Variants in RELN observed in about 807,000 individuals in gnomAD.
RELN encodes reelin.
In RELN, 108 loss-of-function variants were observed where a neutral mutation model predicts 427.6. The observed-to-expected ratio is 0.25, with a 90% CI of 0.22 to 0.30. The LOEUF is 0.30. RELN is among the 10% of genes least tolerant of loss of function. The probability of loss-of-function intolerance (pLI) is 1.00; values close to 1 mark genes in which losing one functional copy is unlikely to be tolerated. For synonymous variants in RELN, 1,524 were observed against 1,513.4 expected, an observed-to-expected ratio of 1.01 and a Z score of -0.16; for missense variants, 3,715 against 4,302.8, an observed-to-expected ratio of 0.86 and a Z score of 3.82.
chr7:103,953,109 G>C lies in RELN; in HGVS notation c.227-35924C>G, dbSNP rs1317035090. Among the ~76,000 whole-genome samples the C allele has an allele frequency of 6.6e-6, 1 of 152,052 alleles. No homozygotes were observed. Among genetic ancestry groups the C allele is most frequent in the Non-Finnish European group, 1.5e-5 (1 of 68,012 alleles). ...TTCCTCATCCCACGCGCTGATTCAA[G>C]CTCCAAGATTCCTGCTCACTTCAAA... On this transcript the variant is annotated intron_variant, in intron 1 of 64. Transcript: ENST00000428762. The surrounding 1 kb of genome is among the most constrained non-coding windows in gnomAD (Gnocchi z 4.3).
At chr7:103,662,559 T>C (rs1162869278) in intron 11 of RELN, among the ~76,000 whole-genome samples, 1 of 149,688 alleles carries the variant, frequency 6.7e-6, no homozygotes, top group African/African-American at 2.5e-5. Context: ...GAGGCAAAGG[T>C]TGCAGTGAGC....
At chr7:103,772,213 T>C (rs1302482763) in intron 4 of RELN, among the ~76,000 whole-genome samples, 2 of 152,212 alleles carry the variant, frequency 1.3e-5, no homozygotes, top group African/African-American at 4.8e-5. Context: ...AGAGATTCCA[T>C]AGTAAAAAGC....
intron 1 of RELN, among the ~76,000 whole-genome samples, chr7:103,928,667 T>C (rs1308546943): frequency 6.6e-6 from 1 of 152,220 alleles, no homozygotes; most frequent in Non-Finnish European, 1.5e-5. Flanking sequence ...TACTGCAGTT[T>C]CCTCCTAGTG....
intron 28 of RELN, among the ~76,000 whole-genome samples, chr7:103,582,651 C>T (rs1487832546): frequency 1.3e-5 from 2 of 152,026 alleles, no homozygotes; most frequent in Non-Finnish European, 2.9e-5. Flanking sequence ...TTGAGGTATG[C>T]ACATCTAAGT....
intron 2 of RELN, among the ~76,000 whole-genome samples, chr7:103,838,203 C>T (rs1444518924): frequency 8.6e-5 from 5 of 57,824 alleles, no homozygotes; most frequent in East Asian, 5.5e-4. Context: ...AGCGAGACTT[C>T]GTCTCAAAAA....
At position 103,557,008 on chromosome 7, in the gene RELN, T is replaced by C; in HGVS notation, c.5766A>G (p.Thr1922=). ...PLPYTAQTNA[T]RFRLWQPYNN... is the part of the protein sequence containing the mutation. ...TATAAGGTTGCCAGAGTCTGAATCT[T>C]GTAGCATTGGTTTGGGCAGTGTATG... Residue 1922 remains threonine, a synonymous_variant, in exon 38 of 65, where the codon ACA becomes ACG. Coordinates refer to ENST00000428762, the MANE Select transcript of RELN (RefSeq NM_005045.4). 1 of 1,613,818 alleles carries C rather than the reference T, an allele frequency of 6.2e-7. No individual in the cohort carries two copies. The highest frequency in any genetic ancestry group is 8.5e-7 in the Non-Finnish European group (1 of 1,179,676).
At chr7:103,601,649 T>C (rs1831671236) in intron 24 of RELN, among the ~76,000 whole-genome samples, 1 of 152,182 alleles carries the variant, frequency 6.6e-6, no homozygotes, top group Non-Finnish European at 1.5e-5. Flanking sequence ...TTAGACACAT[T>C]GCTCAGGTTG....
rs1833566964 is a variant in RELN, at chr7:103,677,702, G to A, written c.1289+4414C>T. Among the ~76,000 whole-genome samples, 2 of 140,252 alleles carry A rather than the reference G, an allele frequency of 1.4e-5. 1 individual carries two copies. Among genetic ancestry groups the A allele is most frequent in the Non-Finnish European group, 3.0e-5 (2 of 65,926 alleles). 92.0% of individuals were successfully genotyped at this position (140,252 alleles called of 152,430 possible). On this transcript the variant is annotated intron_variant, in intron 11 of 64. Transcript: ENST00000428762. Reference sequence around the variant, plus strand: ...AATCACTGAAACCCAGGAGGCGGAGGTTGCAGTAAGCTGATATAGCACCAC... The same window carrying A: ...AATCACTGAAACCCAGGAGGCGGAGATTGCAGTAAGCTGATATAGCACCAC...
At chr7:103,476,506 A>AC (rs1828038671) in intron 64 of RELN, among the ~76,000 whole-genome samples, 1 of 152,120 alleles carries the variant, frequency 6.6e-6, no homozygotes, top group Non-Finnish European at 1.5e-5. Flanking sequence ...AAACAAACAA[A>AC]AAAACCACAC....
intron 19 of RELN, 68 bp from the exon 20 acceptor site, chr7:103,630,244 G>T: frequency 2.7e-5 from 28 of 1,051,932 alleles, no homozygotes; most frequent in Non-Finnish European, 2.9e-5. Context: ...TTTATAGTGG[G>T]ATAGATTTCC....
At chr7:103,484,091 G>C (rs927802214) in intron 61 of RELN, 2 of 488,340 alleles carry the variant, frequency 4.1e-6, no homozygotes, top group Non-Finnish European at 7.4e-6. Flanking sequence ...TGTTGTCCAG[G>C]CTGGTCTCGA....
chr7:103,601,378 C>A (rs1425321588), intron 24 of RELN, among the ~76,000 whole-genome samples: 1 of 152,104 alleles, frequency 6.6e-6, no homozygotes, highest in Non-Finnish European at 1.5e-5. Context: ...TTCTATAATC[C>A]TCTATCTTGT....
chr7:103,863,224 T>C (rs1238445821), intron 2 of RELN, among the ~76,000 whole-genome samples: 4 of 152,158 alleles, frequency 2.6e-5, no homozygotes, highest in Non-Finnish European at 4.4e-5. Context: ...AAAAGAGACA[T>C]GACGCATAAA....
At chr7:103,697,797 C>A (rs952496201) in intron 10 of RELN, 56 bp downstream of exon 10, 1 of 1,611,834 alleles carries the variant, frequency 6.2e-7, no homozygotes, top group Non-Finnish European at 8.5e-7. Context: ...TTGAGCTTCA[C>A]TTTTAGAAAG....
rs554215103 is a variant in RELN at position 103,551,156 on chromosome 7, G to A, written c.6213C>T (p.Thr2071=). ...SSSHVSSLCS[T]EHHPSSTYYA... is the part of the protein sequence containing the mutation. ...AGTAGGTGCTGCTGGGGTGGTGCTC[G>A]GTGGAGCATAAAGAGCTGACGTGGC... Residue 2071 remains threonine (T), a synonymous_variant, in exon 41 of 65, where the codon ACC becomes ACT. Coordinates refer to ENST00000428762, the MANE Select transcript of RELN (RefSeq NM_005045.4). 43 of 1,614,074 alleles carry A rather than the reference G, an allele frequency of 2.7e-5. No homozygotes were observed. In the Admixed American group the frequency reaches 4.5e-4, roughly 17 times the overall value.
At chr7:103,844,395 A>C (rs1447860361) in intron 2 of RELN, among the ~76,000 whole-genome samples, 1 of 152,168 alleles carries the variant, frequency 6.6e-6, no homozygotes, top group Non-Finnish European at 1.5e-5. Context: ...TAATGCTCAA[A>C]AAAGAGAGAA....
At chr7:103,932,242 C>T (rs10953396) in intron 1 of RELN, among the ~76,000 whole-genome samples, 38,791 of 152,038 alleles carry the variant, frequency 0.26, 5,876 homozygotes, top group Non-Finnish European at 0.34. Flanking sequence ...TGTAGGAACA[C>T]GGATGGAGCT....
intron 2 of RELN, among the ~76,000 whole-genome samples, chr7:103,835,855 C>T (rs1278238977): frequency 6.6e-6 from 1 of 151,942 alleles, no homozygotes; most frequent in Non-Finnish European, 1.5e-5. Flanking sequence ...AGTGGTCTCT[C>T]ATAAATCTTG....
At chr7:103,880,436 C>T (rs17310949) in intron 2 of RELN, among the ~76,000 whole-genome samples, 20,333 of 152,006 alleles carry the variant, frequency 0.13, 1,767 homozygotes, top group Non-Finnish European at 0.18. Flanking sequence ...AAAACTAAGG[C>T]GCCAATAATT....
Sources: allele counts gnomAD v4.1 joint callset (sites outside exome capture counted in the v4.1 genomes callset), GRCh38; gene constraint gnomAD v4.1.1; non-coding constraint Gnocchi (gnomAD v3.1); transcripts MANE v1.5; gene names NCBI Gene and HGNC (gene_info 2026-07-23, HGNC 2026-07-21).